Variants in ABCA9 observed in about 807,000 individuals in gnomAD.
The protein encoded by ABCA9 is ATP binding cassette subfamily A member 9.
A neutral mutation model predicts 205.3 loss-of-function variants in ABCA9; 183 were observed. The observed-to-expected ratio is 0.89, with a 90% CI of 0.79 to 1.01. The LOEUF is 1.01. ABCA9 is among the 50% of genes least tolerant of loss of function. The pLI is 0.00. For missense variants in ABCA9, 1,805 were observed against 1,912.4 expected, an observed-to-expected ratio of 0.94 and a Z score of 1.05; for synonymous variants, 651 against 683.3, an observed-to-expected ratio of 0.95 and a Z score of 0.74.
At chr17:69,000,493 T>G (rs2069817405) in intron 25 of ABCA9, among the ~76,000 whole-genome samples, 1 of 151,536 alleles carries the variant, frequency 6.6e-6, no homozygotes, top group Non-Finnish European at 1.5e-5. Context: ...TATATCTCTG[T>G]TTTGGTACCA....
upstream of ABCA9, among the ~76,000 whole-genome samples, chr17:69,064,053 T>C (rs972560996): frequency 2.0e-5 from 3 of 152,216 alleles, no homozygotes; most frequent in African/African-American, 7.2e-5. Flanking sequence ...AGTAGTATAA[T>C]TGCATTTCTC....
At position 69,046,338 on chromosome 17, in the gene ABCA9, G is replaced by A. The variant is rs539501783; in HGVS notation, c.305-1002C>T. ...CAATTCAGCAAGTTCTTTTGTCCTC[G>A]GTATTTCCTACAATCCAGCAGCTAG... On this transcript the variant is annotated intron_variant, in intron 3 of 38. Coordinates refer to ENST00000340001, the MANE Select transcript of ABCA9 (RefSeq NM_080283.4). Among the ~76,000 whole-genome samples the A allele has an allele frequency of 5.3e-5, 8 of 152,150 alleles. No homozygotes were observed. The East Asian group carries it at 1.2e-3, about 22-fold the overall frequency.
rs774268801 is a variant in ABCA9, at chr17:69,051,172, G to C, written c.-13-33C>G. The stretch of plus-strand genomic sequence containing the variant: ...AAGACAGAAAAAAAATGAAGTACAT[G>C]TGAAGGTCTAAAGTAGAAAACATTG... On this transcript the variant is annotated intron_variant, in intron 1 of 38. Transcript: ENST00000340001. The C allele has an allele frequency of 3.8e-6, 6 of 1,591,872 alleles. No individual in the cohort carries two copies. The South Asian group carries it at 6.7e-5, about 18-fold the overall frequency.
At chr17:69,021,922 C>CA in intron 17 of ABCA9, 61 bp from the exon 18 acceptor site, 1 of 1,249,362 alleles carries the variant, frequency 8.0e-7, no homozygotes, top group Non-Finnish European at 1.1e-6. Flanking sequence ...CCATATTTCT[C>CA]AAAAATGTAA....
chr17:69,062,726 T>C (rs1162878320), upstream of ABCA9, among the ~76,000 whole-genome samples: 1 of 152,102 alleles, frequency 6.6e-6, no homozygotes, highest in Non-Finnish European at 1.5e-5. Flanking sequence ...TTGGTCAAGC[T>C]GGTCTGGAAC....
the ABCA9 span, among the ~76,000 whole-genome samples, chr17:69,071,842 C>A: frequency 6.6e-6 from 1 of 152,218 alleles, no homozygotes; most frequent in African/African-American, 2.4e-5. Context: ...AAGCTAAGAA[C>A]TTTGATAAAA....
At chr17:68,983,978 G>A (rs2069146604) in intron 35 of ABCA9, 78 bp downstream of exon 35, 3 of 1,603,462 alleles carry the variant, frequency 1.9e-6, no homozygotes, top group Non-Finnish European at 1.7e-6. Flanking sequence ...CTCACGATGG[G>A]TAGCCTGGTG....
intron 21 of ABCA9, 115 bp from the exon 22 acceptor site, chr17:69,016,505 G>A (rs2089786225): frequency 1.1e-6 from 1 of 882,600 alleles, no homozygotes; most frequent in Admixed American, 3.1e-5. Context: ...CCCAAGCACT[G>A]AATGTGATTA....
intron 29 of ABCA9, among the ~76,000 whole-genome samples, chr17:68,990,535 C>G (rs1567919594): frequency 6.6e-6 from 1 of 152,142 alleles, no homozygotes; most frequent in Non-Finnish European, 1.5e-5. Flanking sequence ...GCACATGCCA[C>G]CAGGCTCATC....
chr17:68,979,000 C>T (rs577081074), intron 37 of ABCA9, among the ~76,000 whole-genome samples: 221 of 152,056 alleles, frequency 1.5e-3, no homozygotes, highest in African/African-American at 5.2e-3. Context: ...TCAAATTGTC[C>T]CTGTTTGCAG....
At chr17:69,051,197 G>T in intron 1 of ABCA9, 58 bp from the exon 2 acceptor site, 3 of 1,472,260 alleles carry the variant, frequency 2.0e-6, no homozygotes, top group South Asian at 2.6e-5. Flanking sequence ...AGAAAACATT[G>T]TGCAATCAAA....
intron 37 of ABCA9, among the ~76,000 whole-genome samples, chr17:68,981,418 CCTAATCCATTATAAAATA>C (rs912021716): frequency 1.4e-4 from 21 of 152,142 alleles, no homozygotes; most frequent in Admixed American, 2.6e-4. Flanking sequence ...AATCTCTGCT[CCTAATCCATTATAAAATA>C]CTTCCTGTTG....
Position 69,026,867 on chromosome 17 carries a change from G to A in ABCA9, c.2050+109C>T, listed in dbSNP as rs1437608846. 4 of 1,363,244 alleles carry A rather than the reference G, an allele frequency of 2.9e-6. No homozygotes were observed. The East Asian group carries it at 7.1e-5, about 24-fold the overall frequency. The allele number at this position is 1,363,244 out of a possible 1,614,324, so 84.4% of individuals were successfully genotyped here. ...AAATGAGTAAGAGCAAAATTCTCCT[G>A]TCTTGGGCCATGGCAGTTCCAGGGA... is the stretch of plus-strand genomic sequence containing the variant. On this transcript the variant is annotated intron_variant, in intron 15 of 38. Transcript: ENST00000340001.
rs1407590101 is a variant in ABCA9 at position 68,982,330 on chromosome 17, C to T, written c.4720+232G>A. ...AGTTAGCATCATCCCTGGCCTCCAC[C>T]CACTAGAAACCACTTGCATCCAACC... On this transcript the variant is annotated intron_variant, in intron 37 of 38. Transcript: ENST00000340001. Among the ~76,000 whole-genome samples the T allele has an allele frequency of 6.6e-6, 1 of 152,160 alleles. No homozygotes were observed. The highest frequency in any genetic ancestry group is 2.4e-5 in the African/African-American group (1 of 41,436).
In ABCA9 at chr17:69,023,813, A is replaced by C. The variant is rs1032685278; in HGVS notation, c.2281+401T>G. On this transcript the variant is annotated intron_variant, in intron 17 of 38. Coordinates refer to ENST00000340001, the MANE Select transcript of ABCA9 (RefSeq NM_080283.4). This position sits in a 1 kb window ranked among gnomAD's most constrained non-coding sequence, Gnocchi z 4.2. ...ATATCAGTATGTGCTGGTGTTTCTA[A>C]AACAACCTATTTATTGTGTACAATT... Among the ~76,000 whole-genome samples, 3 of 151,988 alleles carry C rather than the reference A, an allele frequency of 2.0e-5. No homozygotes were observed. The highest frequency in any genetic ancestry group is 2.0e-4 in the Admixed American group (3 of 15,266).
At chr17:69,007,911 T>C (rs747156951) in intron 24 of ABCA9, 39 bp from the exon 25 acceptor site, 2 of 1,462,366 alleles carry the variant, frequency 1.4e-6, no homozygotes, top group African/African-American at 1.4e-5. Flanking sequence ...AGGTAAATAC[T>C]ATCTAGAAGA....
intron 6 of ABCA9, among the ~76,000 whole-genome samples, chr17:69,037,779 G>C (rs1372781278): frequency 6.6e-6 from 1 of 151,998 alleles, no homozygotes; most frequent in East Asian, 1.9e-4. Flanking sequence ...GAATCCAGGA[G>C]CTGTTTTTTT....
At chr17:69,064,289 T>C (rs2072320140), upstream of ABCA9, among the ~76,000 whole-genome samples, 1 of 152,214 alleles carries the variant, frequency 6.6e-6, no homozygotes, top group Non-Finnish European at 1.5e-5. Flanking sequence ...ATCTATAAAG[T>C]TCTGGATCAG....
chr17:69,047,842 A>G (rs1182769538), intron 3 of ABCA9, among the ~76,000 whole-genome samples: 1 of 152,148 alleles, frequency 6.6e-6, no homozygotes, highest in South Asian at 2.1e-4. Context: ...CTTCAGTTGC[A>G]TGAATAAAAG....
Sources: allele counts gnomAD v4.1 joint callset (sites outside exome capture counted in the v4.1 genomes callset), GRCh38; gene constraint gnomAD v4.1.1; non-coding constraint Gnocchi (gnomAD v3.1); transcripts MANE v1.5; gene names NCBI Gene and HGNC (gene_info 2026-07-23, HGNC 2026-07-21).